Variants in CNTN4 observed in about 807,000 individuals in gnomAD.
The protein encoded by CNTN4 is contactin-4.
CNTN4 carries 77 observed loss-of-function variants against 122.5 expected under a neutral mutation model. The observed-to-expected ratio is 0.63, with a 90% CI of 0.52 to 0.76. The LOEUF (loss-of-function observed/expected upper bound fraction) is 0.76, where lower values mean the gene tolerates loss of function less well. Ranked by LOEUF, CNTN4 falls within the 30% of genes least tolerant of loss-of-function variation. The pLI is 0.00. For synonymous variants in CNTN4, 512 were observed against 447.0 expected, an observed-to-expected ratio of 1.15 and a Z score of -1.83; for missense variants, 1,256 against 1,259.1, an observed-to-expected ratio of 1.00 and a Z score of 0.04.
intron 3 of CNTN4, among the ~76,000 whole-genome samples, chr3:2,559,553 C>CCA (rs1020716822): frequency 6.6e-6 from 1 of 151,578 alleles, no homozygotes; most frequent in Admixed American, 6.6e-5. Flanking sequence ...TGTAACTGAC[C>CCA]CATAGTAAGT....
chr3:2,515,879 C>T (rs183786048), intron 3 of CNTN4, among the ~76,000 whole-genome samples: 18 of 151,626 alleles, frequency 1.2e-4, no homozygotes, highest in Admixed American at 6.6e-4. Flanking sequence ...CAAAAATTTA[C>T]GGACTAATAT....
At chr3:2,921,942 A>G (rs1305290688) in intron 12 of CNTN4, among the ~76,000 whole-genome samples, 4 of 152,202 alleles carry the variant, frequency 2.6e-5, no homozygotes, top group Non-Finnish European at 4.4e-5. Context: ...TCTCAGCCAG[A>G]TGCTTCTCAT....
intron 7 of CNTN4, among the ~76,000 whole-genome samples, chr3:2,821,750 C>A (rs1222946624): frequency 6.6e-6 from 1 of 152,156 alleles, no homozygotes; most frequent in African/African-American, 2.4e-5. Flanking sequence ...TAGGATTCCA[C>A]TAAGGTCTGT....
intron 3 of CNTN4, among the ~76,000 whole-genome samples, chr3:2,548,025 A>C (rs572489264): frequency 6.6e-6 from 1 of 152,194 alleles, no homozygotes; most frequent in South Asian, 2.1e-4. Flanking sequence ...AAATTTGTTT[A>C]AGTTCCTGGT....
chr3:2,616,665 G>T (rs35058156), intron 4 of CNTN4, among the ~76,000 whole-genome samples: 41 of 151,832 alleles, frequency 2.7e-4, no homozygotes, highest in Non-Finnish European at 1.5e-5. Flanking sequence ...TTTAATAATC[G>T]CCATTCTGAC....
chr3:2,245,406 T>G (rs1386568560), intron 2 of CNTN4, among the ~76,000 whole-genome samples: 1 of 152,058 alleles, frequency 6.6e-6, no homozygotes, highest in Non-Finnish European at 1.5e-5. Context: ...ACAGCCAGGT[T>G]GGTGAATATC....
chr3:2,135,788 G>A (rs2125304857), intron 2 of CNTN4, among the ~76,000 whole-genome samples: 1 of 152,270 alleles, frequency 6.6e-6, no homozygotes, highest in South Asian at 2.1e-4. Flanking sequence ...AACAAATGGG[G>A]TTACCATAAG....
intron 3 of CNTN4, among the ~76,000 whole-genome samples, chr3:2,350,931 A>C (rs544965482): frequency 2.0e-5 from 3 of 152,298 alleles, no homozygotes; most frequent in African/African-American, 7.2e-5. Flanking sequence ...GCACAGCCTA[A>C]ATAATTCTGA....
At chr3:2,230,270 AC>A (rs1208916710) in intron 2 of CNTN4, among the ~76,000 whole-genome samples, 1 of 152,196 alleles carries the variant, frequency 6.6e-6, no homozygotes, top group Non-Finnish European at 1.5e-5. Context: ...AAATATTAAT[AC>A]CACCTCAAGT....
At chr3:2,651,462 C>T (rs558032698) in intron 4 of CNTN4, among the ~76,000 whole-genome samples, 2 of 152,252 alleles carry the variant, frequency 1.3e-5, no homozygotes, top group East Asian at 3.9e-4. Flanking sequence ...GACAAGCACC[C>T]TTTTCACTTT....
At chr3:2,702,692 G>A (rs1474445632) in intron 4 of CNTN4, among the ~76,000 whole-genome samples, 2 of 152,188 alleles carry the variant, frequency 1.3e-5, no homozygotes, top group African/African-American at 2.4e-5. Context: ...CCTGAGAAAG[G>A]GCAGTATGAT....
At chr3:2,845,597 G>T in intron 7 of CNTN4, among the ~76,000 whole-genome samples, 1 of 152,206 alleles carries the variant, frequency 6.6e-6, no homozygotes, top group South Asian at 2.1e-4. Flanking sequence ...TAGGACAAGC[G>T]GGTTTTTCAC....
At chr3:2,572,695 G>T (rs1397029868) in intron 4 of CNTN4, among the ~76,000 whole-genome samples, 2 of 152,170 alleles carry the variant, frequency 1.3e-5, no homozygotes, top group African/African-American at 2.4e-5. Context: ...TTTGATGTAT[G>T]CATTCACTCA....
At chr3:2,638,083 G>A (rs994361475) in intron 4 of CNTN4, among the ~76,000 whole-genome samples, 8 of 152,292 alleles carry the variant, frequency 5.3e-5, no homozygotes, top group Middle Eastern at 3.4e-3. Flanking sequence ...CACAGTGGTG[G>A]AATTTATAGG....
rs568725414 is a variant in CNTN4, at chr3:2,954,056, T to C, written c.1358+28277T>C. 2.0e-5 allele frequency among the ~76,000 whole-genome samples: 3 copies of C among 152,338 alleles called. No individual in the cohort carries two copies. The South Asian group carries it at 6.2e-4, about 32-fold the overall frequency. On this transcript the variant is annotated intron_variant, in intron 13 of 24. Transcript: ENST00000418658. ...TGAATCATTAATTCCCAAATCAACT[T>C]TTCTAAAATATGCATAATCGTTTCC...
At chr3:2,137,918 C>T (rs1370138524) in intron 2 of CNTN4, among the ~76,000 whole-genome samples, 2 of 152,102 alleles carry the variant, frequency 1.3e-5, no homozygotes, top group African/African-American at 2.4e-5. Flanking sequence ...TCCTTGGATC[C>T]GAATTCAGAG....
At position 2,105,386 on chromosome 3, in the gene CNTN4, A is replaced by G. The variant is rs546524346; in HGVS notation, c.-145+4747A>G. 1.4e-4 allele frequency among the ~76,000 whole-genome samples: 21 copies of G among 152,332 alleles called. No homozygotes were observed. The East Asian group carries it at 3.9e-3, about 28-fold the overall frequency. The stretch of plus-strand genomic sequence containing the variant: ...TATATTAGTCTATTCTCACACTGCT[A>G]GAAAGAACTGCCTGAGACTGGGTAA... On this transcript the variant is annotated intron_variant, in intron 2 of 24. Transcript: ENST00000418658.
chr3:2,840,647 C>G (rs1188054976), intron 7 of CNTN4, among the ~76,000 whole-genome samples: 6 of 141,080 alleles, frequency 4.3e-5, no homozygotes, highest in African/African-American at 1.0e-4. Flanking sequence ...TGCAGTGAGC[C>G]AAGATCACAC....
intron 14 of CNTN4, among the ~76,000 whole-genome samples, chr3:3,001,120 T>G (rs533470298): frequency 6.6e-6 from 1 of 152,244 alleles, no homozygotes; most frequent in Non-Finnish European, 1.5e-5. Context: ...GTTGAGGCAG[T>G]TGGGCAGATG....
Sources: allele counts gnomAD v4.1 joint callset (sites outside exome capture counted in the v4.1 genomes callset), GRCh38; gene constraint gnomAD v4.1.1; transcripts MANE v1.5; gene names NCBI Gene and HGNC (gene_info 2026-07-23, HGNC 2026-07-21).